Variants in NALF1 observed in about 807,000 individuals in gnomAD.
NALF1 encodes the protein family with sequence similarity 155 member A.
NALF1 carries 3 observed loss-of-function variants against 48.4 expected under a neutral mutation model. The ratio of observed to expected loss-of-function variants is 0.06; its 90% CI spans 0.03 to 0.16. NALF1 has a LOEUF of 0.16. Ranked by LOEUF, NALF1 falls within the 10% of genes least tolerant of loss-of-function variation. The probability of loss-of-function intolerance (pLI) is 1.00; values close to 1 mark genes in which losing one functional copy is unlikely to be tolerated. For synonymous variants in NALF1, 262 were observed against 245.7 expected, an observed-to-expected ratio of 1.07 and a Z score of -0.62; for missense variants, 526 against 571.5, an observed-to-expected ratio of 0.92 and a Z score of 0.81.
chr13:107,416,131 C>A (rs1426037944), intron 1 of NALF1, among the ~76,000 whole-genome samples: 2 of 151,846 alleles, frequency 1.3e-5, no homozygotes, highest in African/African-American at 4.8e-5. Context: ...CTCAGCCTCC[C>A]AAGTAGCTGG....
Position 107,167,274 on chromosome 13 carries a change from A to C in NALF1, c.*3223T>G, listed in dbSNP as rs1173424018. The C allele has an allele frequency of 6.6e-6, 1 of 152,226 alleles. No homozygotes were observed. The highest frequency in any genetic ancestry group is 1.5e-5 in the Non-Finnish European group (1 of 68,038). 9.4% of individuals were successfully genotyped at this position (152,226 alleles called of 1,614,324 possible). A position where few individuals can be genotyped will look rare whatever the true frequency, so the allele number is the denominator to read the frequency against. On this transcript the variant is annotated 3_prime_UTR_variant, in exon 3 of 3. Transcript: ENST00000375915. ...TCCTCTACAGGAAAAACTAAACAAGATGATGATTACAAAGGAGCAGGGGCT... is the reference window on the plus strand; with the variant it reads ...TCCTCTACAGGAAAAACTAAACAAGCTGATGATTACAAAGGAGCAGGGGCT...
rs530617617 is a variant in NALF1, at chr13:107,310,396, C to T, written c.916-99641G>A. Among the ~76,000 whole-genome samples the T allele has an allele frequency of 3.6e-3, 506 of 140,078 alleles. 1 individual carries two copies. Among genetic ancestry groups the T allele is most frequent in the Admixed American group, 5.3e-3 (69 of 13,118 alleles). 91.9% of individuals were successfully genotyped at this position (140,078 alleles called of 152,430 possible). ...CTGCACTCCAGCCAGGGAGACAGAGCGAGATTCCATCTCAAAAAAAAAAAA... is the reference window on the plus strand; with the variant it reads ...CTGCACTCCAGCCAGGGAGACAGAGTGAGATTCCATCTCAAAAAAAAAAAA... On this transcript the variant is annotated intron_variant, in intron 1 of 2. Transcript: ENST00000375915.
intron 1 of NALF1, among the ~76,000 whole-genome samples, chr13:107,303,050 T>C (rs1456074256): frequency 6.6e-6 from 1 of 152,232 alleles, no homozygotes; most frequent in Non-Finnish European, 1.5e-5. Context: ...TTCTATTTTA[T>C]TTTTTGTTGT....
intron 1 of NALF1, among the ~76,000 whole-genome samples, chr13:107,603,524 G>A (rs1478928990): frequency 6.6e-6 from 1 of 152,006 alleles, no homozygotes; most frequent in Non-Finnish European, 1.5e-5. Context: ...ATATACCGAA[G>A]TATATCAAAA....
At chr13:107,320,856 C>G (rs1369737843) in intron 1 of NALF1, 1 of 152,082 alleles carries the variant, frequency 6.6e-6, no homozygotes, top group Non-Finnish European at 1.5e-5. Context: ...CAACAGGAGC[C>G]ATTATATCTT....
At chr13:107,325,851 C>T (rs200639435) in intron 1 of NALF1, among the ~76,000 whole-genome samples, 15,272 of 47,356 alleles carry the variant, frequency 0.32, 1,738 homozygotes, top group South Asian at 0.43. Context: ...AACACACACA[C>T]ACACATATAT....
intron 1 of NALF1, among the ~76,000 whole-genome samples, chr13:107,600,558 CCACAAACTGAG>C (rs1878892796): frequency 6.6e-6 from 1 of 152,082 alleles, no homozygotes; most frequent in African/African-American, 2.4e-5. Context: ...CTAACTTACT[CCACAAACTGAG>C]ATACTGGCTA....
intron 1 of NALF1, among the ~76,000 whole-genome samples, chr13:107,417,167 T>C (rs1261051321): frequency 6.6e-6 from 1 of 152,252 alleles, no homozygotes; most frequent in Non-Finnish European, 1.5e-5. Context: ...CCTAACATCA[T>C]TTCTAATAAT....
intron 1 of NALF1, among the ~76,000 whole-genome samples, chr13:107,396,229 C>T (rs1470881721): frequency 1.3e-5 from 2 of 152,120 alleles, no homozygotes; most frequent in Non-Finnish European, 2.9e-5. Flanking sequence ...CCTCATCTAA[C>T]CTCCTCACAG....
At chr13:107,669,776 G>A (rs1267603747) in intron 1 of NALF1, among the ~76,000 whole-genome samples, 8 of 152,062 alleles carry the variant, frequency 5.3e-5, no homozygotes, top group Non-Finnish European at 8.8e-5. Context: ...AGCTAAGTGC[G>A]AGGGCTTTGG....
chr13:107,584,784 C>G (rs1878406553), intron 1 of NALF1, among the ~76,000 whole-genome samples: 1 of 152,160 alleles, frequency 6.6e-6, no homozygotes, highest in Admixed American at 6.6e-5. Flanking sequence ...CCACGTGAAG[C>G]CCACAGGCTG....
intron 1 of NALF1, among the ~76,000 whole-genome samples, chr13:107,797,403 GT>G (rs1434288454): frequency 1.3e-5 from 2 of 152,026 alleles, no homozygotes; most frequent in Admixed American, 1.3e-4. Flanking sequence ...TAGAGAGGGG[GT>G]TTCACCGTGT....
In NALF1 at chr13:107,210,673, T is replaced by A; in HGVS notation, c.998A>T (p.Tyr333Phe). 6.2e-7 allele frequency: 1 copy of A among 1,611,922 alleles called. No individual in the cohort carries two copies. The highest frequency in any genetic ancestry group is 1.1e-5 in the South Asian group (1 of 91,026). ...NCRKTIPCKQYCLEVQTRCPF... is the reference protein window; with the variant it reads ...NCRKTIPCKQFCLEVQTRCPF... Reference sequence around the variant, plus strand: ...ACACCTCGTCTGAACCTCCAAACAGTATTGCTTGCAAGGAATTGTCTTTCT... The same window carrying A: ...ACACCTCGTCTGAACCTCCAAACAGAATTGCTTGCAAGGAATTGTCTTTCT... Residue 333 changes from tyrosine (Y) to phenylalanine (F), a missense_variant, in exon 2 of 3, where the codon TAC becomes TTC. Transcript: ENST00000375915.
At chr13:107,804,020 C>T (rs1416937081) in intron 1 of NALF1, among the ~76,000 whole-genome samples, 1 of 152,146 alleles carries the variant, frequency 6.6e-6, no homozygotes, top group South Asian at 2.1e-4. Flanking sequence ...CAGTCAATTG[C>T]CACATCCGGC....
At chr13:107,722,153 A>T (rs781566770) in intron 1 of NALF1, among the ~76,000 whole-genome samples, 11 of 152,166 alleles carry the variant, frequency 7.2e-5, no homozygotes, top group Admixed American at 2.6e-4. Context: ...AATCTACCTT[A>T]GAACACATGG....
chr13:107,287,766 C>T (rs1314057840), intron 1 of NALF1, among the ~76,000 whole-genome samples: 1 of 139,898 alleles, frequency 7.1e-6, no homozygotes, highest in Non-Finnish European at 1.5e-5. Flanking sequence ...AGTGCAGTGG[C>T]ACAATCTCAG....
intron 1 of NALF1, among the ~76,000 whole-genome samples, chr13:107,587,897 T>G (rs762751367): frequency 6.6e-6 from 1 of 151,996 alleles, no homozygotes; most frequent in Non-Finnish European, 1.5e-5. Flanking sequence ...GGAGATGGAG[T>G]GTCTAACTCC....
At chr13:107,340,506 T>TGTA (rs1882659465) in intron 1 of NALF1, among the ~76,000 whole-genome samples, 1 of 130,776 alleles carries the variant, frequency 7.6e-6, no homozygotes. Flanking sequence ...TCTTTCTTTC[T>TGTA]TTTCTTTCTT....
At chr13:107,579,851 A>G (rs1231610106) in intron 1 of NALF1, among the ~76,000 whole-genome samples, 1 of 151,918 alleles carries the variant, frequency 6.6e-6, no homozygotes, top group Non-Finnish European at 1.5e-5. Flanking sequence ...TGTTGGTGGG[A>G]CTGTAAACTA....
Sources: gnomAD v4.1 joint callset for allele counts (sites outside exome capture counted in the v4.1 genomes callset) on GRCh38, gnomAD v4.1.1 for gene constraint, MANE v1.5 for transcripts, NCBI Gene and HGNC (gene_info 2026-07-23, HGNC 2026-07-21) for gene names.